The following ZEB1 variants were observed in gnomAD, a reference collection of about 807,000 sequenced individuals.
ZEB1 encodes zinc finger E-box-binding homeobox 1.
Under a neutral mutation model 84.9 loss-of-function variants are expected in ZEB1, and 21 were observed. That is an observed-to-expected ratio of 0.25 (90% confidence interval 0.18 to 0.36). The LOEUF (loss-of-function observed/expected upper bound fraction) is 0.36. Ranked by LOEUF, ZEB1 falls within the 10% of genes least tolerant of loss-of-function variation. ZEB1 has a pLI of 1.00. For missense variants in ZEB1, 1,104 were observed against 1,330.2 expected, an observed-to-expected ratio of 0.83 and a Z score of 2.65; for synonymous variants, 420 against 471.1, an observed-to-expected ratio of 0.89 and a Z score of 1.41.
chr10:31,518,540 G>A (rs542821747), intron 6 of ZEB1, among the ~76,000 whole-genome samples: 1 of 152,214 alleles, frequency 6.6e-6, no homozygotes, highest in South Asian at 2.1e-4. Context: ...AGCATTTGTT[G>A]AGAGCATACT....
chr10:31,361,313 C>T, intron 1 of ZEB1: 1 of 1,202,712 alleles, frequency 8.3e-7, no homozygotes, highest in South Asian at 1.2e-5. Flanking sequence ...CTGCCTCAGC[C>T]TCCTGAGTAG....
intron 1 of ZEB1, among the ~76,000 whole-genome samples, chr10:31,384,059 A>G (rs2048195262): frequency 7.4e-6 from 1 of 134,290 alleles, no homozygotes; most frequent in Non-Finnish European, 1.5e-5. Context: ...CTGCAGCCTC[A>G]CCACCTCCTG....
At chr10:31,343,473 T>C (rs1436180165) in intron 1 of ZEB1, among the ~76,000 whole-genome samples, 2 of 151,900 alleles carry the variant, frequency 1.3e-5, no homozygotes, top group African/African-American at 4.8e-5. Context: ...ACACATTTAT[T>C]TATTTATTTT....
intron 1 of ZEB1, among the ~76,000 whole-genome samples, chr10:31,444,875 T>C (rs929720662): frequency 3.3e-5 from 5 of 152,112 alleles, no homozygotes; most frequent in East Asian, 1.9e-4. Context: ...TCTTTTGGCT[T>C]AGGATTGACT....
chr10:31,434,083 T>C (rs1046987968), intron 1 of ZEB1, among the ~76,000 whole-genome samples: 2 of 152,244 alleles, frequency 1.3e-5, no homozygotes, highest in African/African-American at 4.8e-5. Flanking sequence ...ATTAGCATGT[T>C]AAAAATTATT....
chr10:31,410,969 A>G (rs1308000682), intron 1 of ZEB1, among the ~76,000 whole-genome samples: 3 of 152,140 alleles, frequency 2.0e-5, no homozygotes, highest in Non-Finnish European at 2.9e-5. Flanking sequence ...GATTATTTTA[A>G]AGGGTTTTTC....
chr10:31,345,863 T>G (rs911901800), intron 1 of ZEB1, among the ~76,000 whole-genome samples: 1 of 152,178 alleles, frequency 6.6e-6, no homozygotes, highest in Non-Finnish European at 1.5e-5. Flanking sequence ...AAGAAATTCT[T>G]TTCCTTCTTC....
At chr10:31,362,542 C>T (rs372716927) in intron 1 of ZEB1, among the ~76,000 whole-genome samples, 63 of 151,676 alleles carry the variant, frequency 4.2e-4, no homozygotes, top group East Asian at 3.1e-3. Context: ...TGGGCAGAGG[C>T]GCTCCTCACT....
At chr10:31,341,405 T>C (rs2039335953) in intron 1 of ZEB1, among the ~76,000 whole-genome samples, 1 of 152,146 alleles carries the variant, frequency 6.6e-6, no homozygotes, top group Non-Finnish European at 1.5e-5. Context: ...CCAAAGTTTC[T>C]AGCTGAGGTG....
intron 1 of ZEB1, among the ~76,000 whole-genome samples, chr10:31,440,329 A>G (rs2058772560): frequency 6.6e-6 from 1 of 152,220 alleles, no homozygotes; most frequent in African/African-American, 2.4e-5. Context: ...CAATAGATGC[A>G]GAAAAGGCCT....
intron 1 of ZEB1, among the ~76,000 whole-genome samples, chr10:31,450,738 T>C (rs1331453347): frequency 6.6e-6 from 1 of 152,226 alleles, no homozygotes; most frequent in Non-Finnish European, 1.5e-5. Flanking sequence ...TGCCTTTCTG[T>C]ATCTATAGAT....
rs539528771 is a variant in ZEB1, at chr10:31,503,508, A to G, written c.484+999A>G. ...CTGAGGTTGATTCCATATCTTTGCT[A>G]TTGTGAATAGTACTGTAATAAGCAT... On this transcript the variant is annotated intron_variant, in intron 4 of 8. Transcript: ENST00000424869. Among the ~76,000 whole-genome samples, 21 of 152,116 alleles carry G rather than the reference A, an allele frequency of 1.4e-4. No individual in the cohort carries two copies. In the South Asian group the frequency reaches 3.7e-3, roughly 27 times the overall value.
At chr10:31,395,529 G>A (rs2050557671) in intron 1 of ZEB1, among the ~76,000 whole-genome samples, 1 of 152,096 alleles carries the variant, frequency 6.6e-6, no homozygotes, top group Non-Finnish European at 1.5e-5. Context: ...TATTTAGTAA[G>A]ACTTTAATGG....
intron 1 of ZEB1, among the ~76,000 whole-genome samples, chr10:31,408,744 T>A (rs1210811334): frequency 2.0e-5 from 3 of 147,172 alleles, no homozygotes; most frequent in South Asian, 2.2e-4. Context: ...AAAAATCAAT[T>A]CAAGATGGAT....
chr10:31,347,834 C>G (rs1232235979), intron 1 of ZEB1, among the ~76,000 whole-genome samples: 1 of 151,842 alleles, frequency 6.6e-6, no homozygotes, highest in African/African-American at 2.4e-5. Context: ...ATTGGGCATA[C>G]CCTTTTAAGC....
At chr10:31,322,751 CTT>C (rs34285204) in intron 1 of ZEB1, among the ~76,000 whole-genome samples, 9,257 of 145,520 alleles carry the variant, frequency 0.064, 699 homozygotes, top group African/African-American at 0.18. Context: ...CTTGTTCTAC[CTT>C]TTTTTTTTTT....
At chr10:31,372,261 T>C (rs1029418561) in intron 1 of ZEB1, among the ~76,000 whole-genome samples, 3 of 152,106 alleles carry the variant, frequency 2.0e-5, no homozygotes, top group Non-Finnish European at 4.4e-5. Flanking sequence ...TCAATAACTA[T>C]TGAAATGGGC....
chr10:31,501,170 C>A (rs767269493), intron 3 of ZEB1, among the ~76,000 whole-genome samples: 2 of 152,208 alleles, frequency 1.3e-5, no homozygotes, highest in Non-Finnish European at 2.9e-5. Flanking sequence ...TTAGACCTGA[C>A]AGTTCAGTCA....
intron 1 of ZEB1, among the ~76,000 whole-genome samples, chr10:31,403,399 CCT>C (rs1400327569): frequency 6.6e-6 from 1 of 151,660 alleles, no homozygotes; most frequent in Non-Finnish European, 1.5e-5. Flanking sequence ...CCTACATTCT[CCT>C]CTTGTAATCA....
Sources: allele counts gnomAD v4.1 joint callset (sites outside exome capture counted in the v4.1 genomes callset), GRCh38; gene constraint gnomAD v4.1.1; transcripts MANE v1.5; gene names NCBI Gene and HGNC (gene_info 2026-07-23, HGNC 2026-07-21).